Variants in LPP observed in about 807,000 individuals in gnomAD.
LPP encodes LIM domain containing preferred translocation partner in lipoma, also known as lipoma-preferred partner.
In LPP, 38 loss-of-function variants were observed where a neutral mutation model predicts 60.4. The observed-to-expected ratio is 0.63, with a 90% CI of 0.49 to 0.83. The LOEUF (loss-of-function observed/expected upper bound fraction) is 0.83. LPP is among the 40% of genes least tolerant of loss of function. The pLI, the probability that LPP is intolerant of heterozygous loss-of-function variation, is 0.00. For missense variants in LPP, 902 were observed against 783.6 expected (o/e 1.15, Z -1.80); for synonymous variants, 328 against 290.8 (o/e 1.13, Z -1.30).
At chr3:188,690,671 G>A (rs1459273826) in intron 7 of LPP, among the ~76,000 whole-genome samples, 1 of 152,152 alleles carries the variant, frequency 6.6e-6, no homozygotes, top group Non-Finnish European at 1.5e-5. Flanking sequence ...GGTAGAAGGA[G>A]AGAATAGTCA....
intron 9 of LPP, among the ~76,000 whole-genome samples, chr3:188,783,868 T>TCTCAGTAAAGGGTGATCA (rs1283507315): frequency 3.3e-5 from 1 of 30,478 alleles, no homozygotes; most frequent in East Asian, 3.1e-3. Flanking sequence ...TAACTTGATA[T>TCTCAGTAAAGGGTGATCA]CTCATTCTTA....
chr3:188,702,325 TTTC>T lies in LPP; in HGVS notation c.1114-5927_1114-5925del, dbSNP rs201438166. Among the ~76,000 whole-genome samples, 164 of 150,836 alleles carry T rather than the reference TTTC, an allele frequency of 1.1e-3. 1 individual carries two copies. Among genetic ancestry groups the T allele is most frequent in the Middle Eastern group, 7.0e-3 (2 of 286 alleles). On this transcript the variant is annotated intron_variant, in intron 7 of 11. Transcript: ENST00000617246. ...GCCTTTAACTTTCTTCCTTCTTTCT[TTTC>T]TTCTTCTTCTTCTTTTTTTTTTTTT...
At chr3:188,773,455 G>A (rs1158115618) in intron 9 of LPP, among the ~76,000 whole-genome samples, 4 of 152,120 alleles carry the variant, frequency 2.6e-5, no homozygotes, top group Admixed American at 2.6e-4. Flanking sequence ...TTGGGATATT[G>A]CAATTGGATG....
intron 9 of LPP, among the ~76,000 whole-genome samples, chr3:188,800,083 T>C (rs1290677081): frequency 1.3e-5 from 2 of 151,898 alleles, no homozygotes; most frequent in African/African-American, 4.8e-5. Context: ...TGTATATGGG[T>C]CTAAGTATTT....
Position 188,387,426 on chromosome 3 carries a change from A to G in LPP, c.-9-18686A>G, listed in dbSNP as rs557142576. 4.6e-5 allele frequency among the ~76,000 whole-genome samples: 7 copies of G among 152,268 alleles called. 1 individual carries two copies. In the South Asian group the frequency reaches 1.0e-3, roughly 23 times the overall value. On this transcript the variant is annotated intron_variant, in intron 3 of 11. Transcript: ENST00000617246. ...ACAATTTTAATAACTTTAATATTTC[A>G]TTGAGTGATTGTGCCATATCTTAAT... is the stretch of plus-strand genomic sequence containing the variant.
intron 7 of LPP, among the ~76,000 whole-genome samples, chr3:188,658,178 C>T (rs1254884517): frequency 1.6e-4 from 2 of 12,592 alleles, no homozygotes; most frequent in Non-Finnish European, 4.0e-4. Flanking sequence ...GAGTCTTGCT[C>T]TGTTGCCCAG....
At chr3:188,618,997 C>G (rs1018641697) in intron 7 of LPP, among the ~76,000 whole-genome samples, 5 of 151,956 alleles carry the variant, frequency 3.3e-5, no homozygotes, top group African/African-American at 1.2e-4. Flanking sequence ...GTAGGTTTTA[C>G]CAGAGGAAAC....
At position 188,528,688 on chromosome 3, in the gene LPP, C is replaced by T. The variant is rs559152209; in HGVS notation, c.429+3901C>T. 5.9e-5 allele frequency among the ~76,000 whole-genome samples: 9 copies of T among 152,272 alleles called. No homozygotes were observed. The East Asian group carries it at 1.7e-3, about 29-fold the overall frequency. ...TGTGCTCCTTTCAGGGATGATGAAA[C>T]TAAGACTCACCAAGAAGATTAATGG... On this transcript the variant is annotated intron_variant, in intron 6 of 11. Transcript: ENST00000617246.
At chr3:188,154,363 C>A (rs1335313647) in intron 1 of LPP, among the ~76,000 whole-genome samples, 111 bp downstream of exon 1, 1 of 152,068 alleles carries the variant, frequency 6.6e-6, no homozygotes, top group Non-Finnish European at 1.5e-5. Flanking sequence ...GCAGGGCGCG[C>A]GCCCTGCTCT....
chr3:188,421,609 A>G (rs1787824557), intron 4 of LPP, among the ~76,000 whole-genome samples: 1 of 152,192 alleles, frequency 6.6e-6, no homozygotes, highest in Non-Finnish European at 1.5e-5. Context: ...AATGATAGTA[A>G]TGGTAATATA....
chr3:188,804,521 C>T (rs1269388919), intron 9 of LPP, among the ~76,000 whole-genome samples: 1 of 151,736 alleles, frequency 6.6e-6, no homozygotes, highest in Non-Finnish European at 1.5e-5. Context: ...CCAGTACTCA[C>T]TCTTCGGTTT....
At chr3:188,330,985 T>C (rs1171908462) in intron 2 of LPP, among the ~76,000 whole-genome samples, 1 of 152,106 alleles carries the variant, frequency 6.6e-6, no homozygotes, top group Non-Finnish European at 1.5e-5. Context: ...CAGAAGACCA[T>C]TTAGTCTTCT....
chr3:188,393,517 A>G (rs1780193940), intron 3 of LPP, among the ~76,000 whole-genome samples: 1 of 152,168 alleles, frequency 6.6e-6, no homozygotes, highest in African/African-American at 2.4e-5. Context: ...CCTCATTAAC[A>G]CAGTGTTTTC....
intron 6 of LPP, among the ~76,000 whole-genome samples, chr3:188,528,420 A>G (rs1821261666): frequency 6.6e-6 from 1 of 151,674 alleles, no homozygotes; most frequent in Admixed American, 6.6e-5. Context: ...GACACTGAGG[A>G]GATCATGCTT....
intron 9 of LPP, among the ~76,000 whole-genome samples, chr3:188,789,219 G>A (rs535029015): frequency 6.6e-6 from 1 of 151,906 alleles, no homozygotes; most frequent in South Asian, 2.1e-4. Context: ...ACTGCACTGG[G>A]AAACCAAAAA....
intron 4 of LPP, among the ~76,000 whole-genome samples, chr3:188,411,732 AAAC>A (rs1363784595): frequency 4.6e-5 from 7 of 152,172 alleles, no homozygotes; most frequent in African/African-American, 9.6e-5. Flanking sequence ...CCCAAAAATA[AAAC>A]AACAACAGCA....
chr3:188,618,256 G>T (rs1327992443), intron 7 of LPP, among the ~76,000 whole-genome samples: 19 of 152,134 alleles, frequency 1.2e-4, no homozygotes, highest in Admixed American at 1.2e-3. Flanking sequence ...TTCATCTTTG[G>T]ACTTCAGAGA....
chr3:188,713,176 T>C (rs1192935201), intron 8 of LPP, among the ~76,000 whole-genome samples: 2 of 152,194 alleles, frequency 1.3e-5, no homozygotes, highest in Non-Finnish European at 2.9e-5. Context: ...ATGTAGGAAG[T>C]CTGCAGCATC....
At chr3:188,667,568 G>A (rs568491174) in intron 7 of LPP, among the ~76,000 whole-genome samples, 3 of 151,594 alleles carry the variant, frequency 2.0e-5, no homozygotes, top group African/African-American at 7.3e-5. Flanking sequence ...TTATTGGTAA[G>A]CACATCTTCC....
Sources: allele counts gnomAD v4.1 joint callset (sites outside exome capture counted in the v4.1 genomes callset), GRCh38; gene constraint gnomAD v4.1.1; transcripts MANE v1.5; gene names NCBI Gene and HGNC (gene_info 2026-07-23, HGNC 2026-07-21).